The following TBC1D15 variants were observed in gnomAD, a reference collection of about 807,000 sequenced individuals.
The protein encoded by TBC1D15 is TBC1 domain family member 15.
Under a neutral mutation model 95.4 loss-of-function variants are expected in TBC1D15, and 39 were observed. The observed-to-expected ratio is 0.41, with a 90% confidence interval of 0.32 to 0.53. TBC1D15 has a LOEUF of 0.53. Among genes scored for constraint, TBC1D15 ranks in the 20% least tolerant of loss-of-function variants. The pLI, the probability that TBC1D15 is intolerant of heterozygous loss-of-function variation, is 0.29. For synonymous variants in TBC1D15, 258 were observed against 261.3 expected (o/e 0.99, Z 0.12); for missense variants, 733 against 794.3 (o/e 0.92, Z 0.93).
In TBC1D15 at chr12:71,874,948, C is replaced by T. The variant is rs113343762; in HGVS notation, c.204+1945C>T. On this transcript the variant is annotated intron_variant, in intron 3 of 16. Coordinates refer to ENST00000485960, the MANE Select transcript of TBC1D15 (RefSeq NM_001146213.3). ...TTGCCCATGTAGTTATATGTCTTTT[C>T]TTTTATTTTTGAGACAAGGTCTTGC... is the stretch of plus-strand genomic sequence containing the variant. Among the ~76,000 whole-genome samples, 801 of 140,566 alleles carry T rather than the reference C, an allele frequency of 5.7e-3. 3 individuals are homozygous for T. Among genetic ancestry groups the T allele is most frequent in the African/African-American group, 0.02 (768 of 37,858 alleles). 92.2% of individuals were successfully genotyped at this position (140,566 alleles called of 152,430 possible). A position where few individuals can be genotyped will look rare whatever the true frequency, so the allele number is the denominator to read the frequency against.
chr12:71,858,925 C>T (rs1889754312), intron 1 of TBC1D15, among the ~76,000 whole-genome samples: 1 of 151,396 alleles, frequency 6.6e-6, no homozygotes, highest in Non-Finnish European at 1.5e-5. Flanking sequence ...TACATTCCCA[C>T]CAGCAGTGTA....
At chr12:71,910,361 A>G (rs1263802604) in intron 11 of TBC1D15, among the ~76,000 whole-genome samples, 1 of 149,312 alleles carries the variant, frequency 6.7e-6, no homozygotes, top group Non-Finnish European at 1.5e-5. Flanking sequence ...TTTTGGTTCC[A>G]TATGAACTTT....
intron 1 of TBC1D15, among the ~76,000 whole-genome samples, chr12:71,869,131 T>TAG (rs1230460705): frequency 3.9e-5 from 6 of 152,176 alleles, no homozygotes; most frequent in Non-Finnish European, 8.8e-5. Flanking sequence ...AATCTACTTA[T>TAG]TTAACTGGAG....
intron 10 of TBC1D15, among the ~76,000 whole-genome samples, chr12:71,900,542 T>A (rs183783004): frequency 6.6e-6 from 1 of 152,222 alleles, no homozygotes; most frequent in Admixed American, 6.5e-5. Context: ...AAAACCAAAT[T>A]GATTATTTCA....
intron 11 of TBC1D15, among the ~76,000 whole-genome samples, chr12:71,911,949 AACTT>A (rs771703092): frequency 6.6e-6 from 1 of 152,138 alleles, no homozygotes; most frequent in Non-Finnish European, 1.5e-5. Context: ...TATTCATTAT[AACTT>A]AATAATAAAG....
At chr12:71,880,910 T>C (rs927419135) in intron 4 of TBC1D15, among the ~76,000 whole-genome samples, 3 of 152,204 alleles carry the variant, frequency 2.0e-5, no homozygotes, top group South Asian at 2.1e-4. Context: ...AGTAGAATTA[T>C]AATAATCATG....
chr12:71,887,702 C>T (rs1241605796), intron 5 of TBC1D15, among the ~76,000 whole-genome samples: 1 of 152,186 alleles, frequency 6.6e-6, no homozygotes, highest in Non-Finnish European at 1.5e-5. Context: ...CCTATCTCTG[C>T]TCCTCACTAT....
chr12:71,845,785 CAAGTTTGGAG>C (rs1348789302), intron 1 of TBC1D15, among the ~76,000 whole-genome samples: 2 of 152,020 alleles, frequency 1.3e-5, no homozygotes, highest in African/African-American at 4.8e-5. Flanking sequence ...GATGGGTTTC[CAAGTTTGGAG>C]AATGATTTAG....
Position 71,907,049 on chromosome 12 carries a change from C to G in TBC1D15, c.1211C>G (p.Thr404Arg). Reference protein sequence around the residue: ...IEKDVNRTDRTNKFYEGQDNP... With the variant: ...IEKDVNRTDRRNKFYEGQDNP... Reference sequence around the variant, plus strand: ...AAAGATGTTAACAGAACAGATCGAACAAACAAGTTTTATGAAGGCCAAGAT... The same window carrying G: ...AAAGATGTTAACAGAACAGATCGAAGAAACAAGTTTTATGAAGGCCAAGAT... The change falls in exon 11 of 17, where the codon ACA becomes AGA. Residue 404 changes from threonine (T) to arginine (R), a missense_variant. Transcript: ENST00000485960. 6.2e-7 allele frequency: 1 copy of G among 1,610,882 alleles called. No individual in the cohort carries two copies. The highest frequency in any genetic ancestry group is 8.5e-7 in the Non-Finnish European group (1 of 1,178,600).
At chr12:71,902,952 G>A (rs138242862) in intron 10 of TBC1D15, among the ~76,000 whole-genome samples, 2 of 152,166 alleles carry the variant, frequency 1.3e-5, no homozygotes, top group African/African-American at 4.8e-5. Context: ...TCGCTCTGTT[G>A]CCCAGGCTGG....
intron 1 of TBC1D15, among the ~76,000 whole-genome samples, chr12:71,864,814 T>C (rs983514815): frequency 6.6e-6 from 1 of 152,044 alleles, no homozygotes; most frequent in Non-Finnish European, 1.5e-5. Flanking sequence ...CTACCTACAG[T>C]TGGGTTTTAA....
intron 13 of TBC1D15, 34 bp from the exon 14 acceptor site, chr12:71,918,417 G>C (rs754925857): frequency 7.6e-7 from 1 of 1,323,998 alleles, no homozygotes; most frequent in South Asian, 1.3e-5. Flanking sequence ...TAGCATAAGA[G>C]TAAGTCATAT....
At chr12:71,849,167 A>G (rs1352504100) in intron 1 of TBC1D15, 4 of 265,598 alleles carry the variant, frequency 1.5e-5, no homozygotes, top group Admixed American at 5.2e-5. Context: ...TGATTATAAA[A>G]AAAAAAAAAA....
chr12:71,877,319 G>A (rs181600844), intron 3 of TBC1D15, among the ~76,000 whole-genome samples: 9 of 148,774 alleles, frequency 6.0e-5, no homozygotes. Context: ...AATACATTGT[G>A]CTGGGTACTT....
intron 1 of TBC1D15, among the ~76,000 whole-genome samples, chr12:71,846,961 G>A (rs993164273): frequency 6.6e-6 from 1 of 151,764 alleles, no homozygotes; most frequent in African/African-American, 2.4e-5. Context: ...GAGTGTTGCC[G>A]TGTTGCTCCG....
chr12:71,879,400 G>A (rs1894674069), intron 3 of TBC1D15, among the ~76,000 whole-genome samples: 1 of 152,160 alleles, frequency 6.6e-6, no homozygotes, highest in African/African-American at 2.4e-5. Context: ...CTCCCAAAGT[G>A]TTGGGATTAC....
chr12:71,918,264 A>T (rs1236323921), intron 13 of TBC1D15, among the ~76,000 whole-genome samples, 187 bp from the exon 14 acceptor site: 1 of 152,214 alleles, frequency 6.6e-6, no homozygotes, highest in African/African-American at 2.4e-5. Context: ...TGATTCGTAA[A>T]ATGTATTATT....
chr12:71,852,195 C>T (rs1163929816), intron 1 of TBC1D15, among the ~76,000 whole-genome samples: 1 of 152,196 alleles, frequency 6.6e-6, no homozygotes, highest in Non-Finnish European at 1.5e-5. Context: ...GGCCCAGCAG[C>T]CTGAGCTTTA....
chr12:71,894,375 A>T, intron 6 of TBC1D15: 1 of 1,612,892 alleles, frequency 6.2e-7, no homozygotes, highest in East Asian at 2.2e-5. Context: ...ACCACTGGAA[A>T]GTAAGCACTG....
Sources: allele counts gnomAD v4.1 joint callset (sites outside exome capture counted in the v4.1 genomes callset), GRCh38; gene constraint gnomAD v4.1.1; transcripts MANE v1.5; gene names NCBI Gene and HGNC (gene_info 2026-07-23, HGNC 2026-07-21).